FHOD3: variants seen among roughly 807,000 people sequenced by gnomAD.
FHOD3 encodes FH1/FH2 domain-containing protein 3.
In FHOD3, 90 loss-of-function variants were observed where a neutral mutation model predicts 173.0. That is an observed-to-expected ratio of 0.52 (90% CI 0.44 to 0.62). The LOEUF (loss-of-function observed/expected upper bound fraction) is 0.62. FHOD3 is among the 20% of genes least tolerant of loss of function. FHOD3 has a pLI of 0.00. For missense variants in FHOD3, 1,945 were observed against 2,034.7 expected (o/e 0.96, Z 0.85); for synonymous variants, 828 against 823.0 (o/e 1.01, Z -0.10).
intron 1 of FHOD3, among the ~76,000 whole-genome samples, chr18:36,325,672 C>G (rs1333696314): frequency 6.6e-6 from 1 of 152,162 alleles, no homozygotes; most frequent in African/African-American, 2.4e-5. Context: ...AATCCAAAAG[C>G]TCCTTTTCCT....
At chr18:36,650,787 A>G (rs2035995120) in intron 11 of FHOD3, among the ~76,000 whole-genome samples, 1 of 152,208 alleles carries the variant, frequency 6.6e-6, no homozygotes, top group South Asian at 2.1e-4. Flanking sequence ...ATCTGGCTGG[A>G]AAAGGCGGCC....
rs1279170950 is a variant in FHOD3 at position 36,355,553 on chromosome 18, T to G, written c.180T>G (p.Thr60=). 6.2e-7 allele frequency: 1 copy of G among 1,614,168 alleles called. No individual in the cohort carries two copies. The highest frequency in any genetic ancestry group is 8.5e-7 in the Non-Finnish European group (1 of 1,179,990). The change falls in exon 2 of 29, where the codon ACT becomes ACG. Residue 60 remains threonine, a synonymous_variant. Transcript: ENST00000590592. The part of the protein sequence containing the change: ...LQAPHKLDDC[T]LQLSHNGAYL... ...TTCTCTTGCAGCTGGATGACTGTAC[T>G]CTGCAGCTCTCTCACAATGGCGCCT...
At chr18:36,434,842 T>C (rs993591270) in intron 3 of FHOD3, among the ~76,000 whole-genome samples, 3 of 152,064 alleles carry the variant, frequency 2.0e-5, no homozygotes, top group Non-Finnish European at 4.4e-5. Context: ...CCAAATTTTA[T>C]TGCTCATATA....
chr18:36,376,282 G>A (rs1356484078), intron 3 of FHOD3, among the ~76,000 whole-genome samples: 2 of 152,166 alleles, frequency 1.3e-5, no homozygotes, highest in Non-Finnish European at 2.9e-5. Flanking sequence ...GGCTTTGAAG[G>A]CATTTTGTTG....
At chr18:36,436,740 C>T (rs993982677) in intron 3 of FHOD3, among the ~76,000 whole-genome samples, 15 of 152,150 alleles carry the variant, frequency 9.9e-5, no homozygotes, top group East Asian at 1.9e-4. Context: ...TAAATTTAGC[C>T]GTAACTGCAC....
In FHOD3 at chr18:36,351,311, C is replaced by T. The variant is rs553747893; in HGVS notation, c.166-4228C>T. Among the ~76,000 whole-genome samples the T allele has an allele frequency of 1.9e-4, 29 of 152,208 alleles. No homozygotes were observed. In the East Asian group the frequency reaches 2.9e-3, roughly 15 times the overall value. ...CCTGCCCACCCATTTATTAGGGATCCGGGTTGTGACATCTGGCGTAGGAGG... is the reference window on the plus strand; with the variant it reads ...CCTGCCCACCCATTTATTAGGGATCTGGGTTGTGACATCTGGCGTAGGAGG... On this transcript the variant is annotated intron_variant, in intron 1 of 28. Coordinates refer to ENST00000590592, the MANE Select transcript of FHOD3 (RefSeq NM_001281740.3).
At chr18:36,573,385 A>T (rs1455683092) in intron 5 of FHOD3, among the ~76,000 whole-genome samples, 2 of 151,422 alleles carry the variant, frequency 1.3e-5, no homozygotes, top group Non-Finnish European at 1.5e-5. Flanking sequence ...CTGGTGGATC[A>T]CTTGAGCCCA....
intron 6 of FHOD3, among the ~76,000 whole-genome samples, chr18:36,583,123 C>G (rs973561819): frequency 6.6e-6 from 1 of 152,196 alleles, no homozygotes; most frequent in East Asian, 1.9e-4. Flanking sequence ...AATGCATAAA[C>G]CAGTGCAGCC....
At chr18:36,497,078 C>G (rs369174442) in intron 3 of FHOD3, among the ~76,000 whole-genome samples, 43 of 152,230 alleles carry the variant, frequency 2.8e-4, no homozygotes, top group African/African-American at 8.7e-4. Context: ...AATTCTCTTG[C>G]TTAAAACAAT....
intron 1 of FHOD3, among the ~76,000 whole-genome samples, chr18:36,345,626 A>T (rs912806519): frequency 6.6e-6 from 1 of 152,202 alleles, no homozygotes; most frequent in African/African-American, 2.4e-5. Context: ...TTTTTAGTAG[A>T]GATGAGGTCT....
intron 6 of FHOD3, among the ~76,000 whole-genome samples, chr18:36,584,698 C>T (rs1276757338): frequency 1.3e-5 from 2 of 152,110 alleles, no homozygotes; most frequent in Admixed American, 1.3e-4. Context: ...TCCCAGCTAT[C>T]GGGAGGCTGA....
At position 36,745,878 on chromosome 18, in the gene FHOD3, C is replaced by T. The variant is rs901544081; in HGVS notation, c.4042-1067C>T. 2.6e-5 allele frequency among the ~76,000 whole-genome samples: 4 copies of T among 151,746 alleles called. 1 individual carries two copies. Among genetic ancestry groups the T allele is most frequent in the South Asian group, 4.2e-4 (2 of 4,800 alleles). On this transcript the variant is annotated intron_variant, in intron 23 of 28. Coordinates refer to ENST00000590592, the MANE Select transcript of FHOD3 (RefSeq NM_001281740.3). ...TCCACGCACCTCGTGCTCAACCCCG[C>T]GCACCTCCTGCTGCTCTGACTTTTG...
intron 24 of FHOD3, among the ~76,000 whole-genome samples, chr18:36,754,805 C>G (rs890632831): frequency 6.6e-6 from 1 of 151,426 alleles, no homozygotes; most frequent in Non-Finnish European, 1.5e-5. Flanking sequence ...AACACAGATA[C>G]GCAAAGTGAA....
chr18:36,632,699 T>C (rs758694706), intron 10 of FHOD3, among the ~76,000 whole-genome samples: 2 of 152,188 alleles, frequency 1.3e-5, no homozygotes, highest in African/African-American at 4.8e-5. Context: ...GAAAATGCTA[T>C]GCTCTTCTTC....
intron 1 of FHOD3, among the ~76,000 whole-genome samples, chr18:36,300,233 G>C (rs2091924038): frequency 6.6e-6 from 1 of 152,204 alleles, no homozygotes; most frequent in Non-Finnish European, 1.5e-5. Flanking sequence ...AACCAGCCCT[G>C]TGTGACTCAG....
intron 5 of FHOD3, among the ~76,000 whole-genome samples, chr18:36,547,560 C>T (rs555716456): frequency 2.0e-5 from 3 of 152,198 alleles, no homozygotes; most frequent in South Asian, 4.2e-4. Context: ...CATGAGCCAC[C>T]GTGCCCAGCT....
intron 7 of FHOD3, among the ~76,000 whole-genome samples, chr18:36,597,502 C>A (rs1483317579): frequency 6.6e-6 from 1 of 152,198 alleles, no homozygotes; most frequent in African/African-American, 2.4e-5. Context: ...TCTCAGCTCA[C>A]TGCAAGCTCT....
intron 10 of FHOD3, among the ~76,000 whole-genome samples, chr18:36,626,290 T>A (rs2034103401): frequency 6.6e-6 from 1 of 152,204 alleles, no homozygotes; most frequent in Non-Finnish European, 1.5e-5. Context: ...AGGCCAGGAC[T>A]ACTTGAAGCC....
intron 2 of FHOD3, among the ~76,000 whole-genome samples, chr18:36,365,384 T>G (rs952096463): frequency 1.3e-5 from 2 of 152,220 alleles, no homozygotes; most frequent in Non-Finnish European, 2.9e-5. Context: ...TCTGATGACC[T>G]GGAAGACAGG....
Sources: allele counts gnomAD v4.1 joint callset (sites outside exome capture counted in the v4.1 genomes callset), GRCh38; gene constraint gnomAD v4.1.1; transcripts MANE v1.5; gene names NCBI Gene and HGNC (gene_info 2026-07-23, HGNC 2026-07-21).